The following ABCA4 variants were observed in gnomAD, a reference collection of about 807,000 sequenced individuals.
ABCA4 encodes ATP binding cassette subfamily A member 4, also known as retinal-specific phospholipid-transporting ATPase ABCA4.
ABCA4 carries 196 observed loss-of-function variants against 263.7 expected under a neutral mutation model. The observed-to-expected ratio is 0.74, with a 90% CI of 0.66 to 0.84. The LOEUF is 0.84. ABCA4 is among the 40% of genes least tolerant of loss of function. The probability of loss-of-function intolerance (pLI) is 0.00; values close to 1 mark genes in which losing one functional copy is unlikely to be tolerated. For synonymous variants in ABCA4, 1,133 were observed against 1,094.2 expected, an observed-to-expected ratio of 1.04 and a Z score of -0.70; for missense variants, 2,792 against 2,855.1, an observed-to-expected ratio of 0.98 and a Z score of 0.50.
At chr1:94,023,631 C>T (rs1659961636) in intron 31 of ABCA4, among the ~76,000 whole-genome samples, 1 of 152,196 alleles carries the variant, frequency 6.6e-6, no homozygotes, top group Non-Finnish European at 1.5e-5. Flanking sequence ...CCCACTGGCT[C>T]TCCAAATCAT....
At chr1:94,015,923 G>A (rs1659723990) in intron 36 of ABCA4, 69 bp from the exon 37 acceptor site, 1 of 1,338,308 alleles carries the variant, frequency 7.5e-7, no homozygotes, top group Non-Finnish European at 1.1e-6. Context: ...CAAAATGAGG[G>A]GTGGGGCCAG....
chr1:94,104,301 ACCCCGAGTGCTTCAG>A (rs1662362119), intron 4 of ABCA4, among the ~76,000 whole-genome samples: 1 of 152,170 alleles, frequency 6.6e-6, no homozygotes, highest in South Asian at 2.1e-4. Flanking sequence ...CAATCTCTTC[ACCCCGAGTGCTTCAG>A]GGGCATGGGT....
intron 44 of ABCA4, among the ~76,000 whole-genome samples, chr1:94,002,339 G>A (rs1409141365): frequency 1.3e-5 from 2 of 152,188 alleles, no homozygotes; most frequent in African/African-American, 4.8e-5. Context: ...TTGAGAAGAT[G>A]GTGAGTCCCA....
In ABCA4 at chr1:94,047,011, G is replaced by T. The variant is rs1301830801; in HGVS notation, c.2826C>A (p.Gly942=). The T allele has an allele frequency of 3.1e-6, 5 of 1,614,136 alleles. No individual in the cohort carries two copies. The highest frequency in any genetic ancestry group is 4.2e-6 in the Non-Finnish European group (5 of 1,180,024). ...TGTTCAGACGGTCCACAGCTGGCCGGCCACAGGGCTCAAAAATCTTTACCA... is the reference window on the plus strand; with the variant it reads ...TGTTCAGACGGTCCACAGCTGGCCGTCCACAGGGCTCAAAAATCTTTACCA... ...KNLVKIFEPC[G]RPAVDRLNIT... Residue 942 remains glycine (G), a synonymous_variant, in exon 19 of 50, where the codon GGC becomes GGA. Transcript: ENST00000370225.
At chr1:94,019,252 G>C (rs1039255285) in intron 36 of ABCA4, 6 of 251,906 alleles carry the variant, frequency 2.4e-5, no homozygotes, top group Middle Eastern at 1.4e-3. Context: ...CCTTCTCAGC[G>C]CCAGACTGAT....
intron 30 of ABCA4, among the ~76,000 whole-genome samples, chr1:94,026,217 T>TC (rs112354988): frequency 0.049 from 7,522 of 152,164 alleles, 209 homozygotes; most frequent in Middle Eastern, 0.19. Context: ...TTCTATCTCC[T>TC]CCCCCTGTTT....
At chr1:94,058,735 A>G (rs1446200492) in intron 14 of ABCA4, among the ~76,000 whole-genome samples, 1 of 152,274 alleles carries the variant, frequency 6.6e-6, no homozygotes, top group Non-Finnish European at 1.5e-5. Flanking sequence ...ACAAACTTCT[A>G]GGACTTTTCA....
intron 6 of ABCA4, among the ~76,000 whole-genome samples, chr1:94,089,395 G>A (rs1343224563): frequency 6.6e-6 from 1 of 152,054 alleles, no homozygotes; most frequent in Non-Finnish European, 1.5e-5. Flanking sequence ...CTTCAACTAA[G>A]TGAAATGGCT....
rs1054210292 is a variant in ABCA4 at position 94,031,806 on chromosome 1, A to G, written c.4100T>C (p.Ile1367Thr). 33 of 1,613,766 alleles carry G rather than the reference A, an allele frequency of 2.0e-5. No homozygotes were observed. The highest frequency in any genetic ancestry group is 2.7e-5 in the Non-Finnish European group (32 of 1,180,046). The change falls in exon 27 of 50, where the codon ATC becomes ACC. Residue 1367 changes from isoleucine to threonine, a missense_variant. Coordinates refer to ENST00000370225, the MANE Select transcript of ABCA4 (RefSeq NM_000350.3). ...ALLVKRFQHTIRSHKDFLAQI... is the reference protein window; with the variant it reads ...ALLVKRFQHTTRSHKDFLAQI... ...CGCCAGGAAGTCCTTGTGGCTGCGG[A>G]TGGTGTGTTGGAATCTCTTGACCAG...
intron 11 of ABCA4, among the ~76,000 whole-genome samples, chr1:94,076,402 C>T (rs997281648): frequency 2.6e-5 from 4 of 152,230 alleles, no homozygotes; most frequent in African/African-American, 7.2e-5. Context: ...ACAGGGGTCT[C>T]ATGGTGGCTT....
chr1:94,111,385 C>T (rs751644193), intron 3 of ABCA4, 53 bp downstream of exon 3: 40 of 1,603,674 alleles, frequency 2.5e-5, no homozygotes, highest in Non-Finnish European at 3.1e-5. Context: ...CATTTCAGCA[C>T]GTGAAGGGGT....
At chr1:94,054,635 G>A (rs1159691213) in intron 16 of ABCA4, among the ~76,000 whole-genome samples, 1 of 152,308 alleles carries the variant, frequency 6.6e-6, no homozygotes, top group East Asian at 1.9e-4. Context: ...GGAGGCCGAC[G>A]TGGCTGGAGC....
At position 94,021,958 on chromosome 1, in the gene ABCA4, A is replaced by C; in HGVS notation, c.4668-7T>G. 1 of 1,612,984 alleles carries C rather than the reference A, an allele frequency of 6.2e-7. No individual in the cohort carries two copies. The highest frequency in any genetic ancestry group is 2.2e-5 in the East Asian group (1 of 44,866). ...AATGGAAATTCCTCCATACCTGACAAGGAAACAGGAAATCCTCAGACCAGG... is the reference window on the plus strand; with the variant it reads ...AATGGAAATTCCTCCATACCTGACACGGAAACAGGAAATCCTCAGACCAGG... On this transcript the variant is annotated splice_polypyrimidine_tract_variant and splice_region_variant and intron_variant, in intron 32 of 49. Coordinates refer to ENST00000370225, the MANE Select transcript of ABCA4 (RefSeq NM_000350.3).
Position 94,031,880 on chromosome 1 carries a change from C to A in ABCA4, c.4026G>T (p.Pro1342=), listed in dbSNP as rs769291698. Reference sequence around the variant, plus strand: ...CCAGCTGTGTCCCCGTGTTGAGCTGCGGGCCTGGGCACTCTGGCTCTGGGG... The same window carrying A: ...CCAGCTGTGTCCCCGTGTTGAGCTGAGGGCCTGGGCACTCTGGCTCTGGGG... The part of the protein sequence containing the change: ...QPPPEPECPG[P]QLNTGTQLVL... The change falls in exon 27 of 50, where the codon CCG becomes CCT. Residue 1342 remains proline, a synonymous_variant. Transcript: ENST00000370225. The A allele has an allele frequency of 6.2e-7, 1 of 1,614,174 alleles. No individual in the cohort carries two copies. The highest frequency in any genetic ancestry group is 8.5e-7 in the Non-Finnish European group (1 of 1,180,014).
chr1:94,037,396 T>G, intron 24 of ABCA4, 46 bp from the exon 25 acceptor site: 1 of 1,575,590 alleles, frequency 6.3e-7, no homozygotes, highest in Non-Finnish European at 8.7e-7. Context: ...TTCCAGAAAC[T>G]GGAAGACTGT....
intron 19 of ABCA4, 99 bp from the exon 20 acceptor site, chr1:94,044,843 T>C: frequency 6.4e-7 from 1 of 1,574,342 alleles, no homozygotes; most frequent in Non-Finnish European, 8.7e-7. Context: ...TCTCACAGAT[T>C]CCTGCCTGGG....
intron 14 of ABCA4, among the ~76,000 whole-genome samples, chr1:94,059,921 T>C (rs1661073623): frequency 6.6e-6 from 1 of 152,104 alleles, no homozygotes; most frequent in East Asian, 1.9e-4. Flanking sequence ...GACAGACCAA[T>C]AGATGCTGCC....
At chr1:94,078,516 A>G in intron 10 of ABCA4, 74 bp downstream of exon 10, 3 of 1,163,108 alleles carry the variant, frequency 2.6e-6, no homozygotes, top group Non-Finnish European at 2.6e-6. Flanking sequence ...TCCTGGGAAA[A>G]GGAAACAAGT....
intron 23 of ABCA4, among the ~76,000 whole-genome samples, chr1:94,040,701 C>T (rs1433074361): frequency 1.3e-5 from 2 of 152,154 alleles, no homozygotes; most frequent in Non-Finnish European, 2.9e-5. Context: ...TAGGATGACA[C>T]AGTTTGTTCA....
Sources: allele counts gnomAD v4.1 joint callset (sites outside exome capture counted in the v4.1 genomes callset), GRCh38; gene constraint gnomAD v4.1.1; transcripts MANE v1.5; gene names NCBI Gene and HGNC (gene_info 2026-07-23, HGNC 2026-07-21).